DOCK2: variants seen among roughly 807,000 people sequenced by gnomAD.
DOCK2 encodes the protein dedicator of cytokinesis 2.
DOCK2 carries 87 observed loss-of-function variants against 248.9 expected under a neutral mutation model. That is an observed-to-expected ratio of 0.35 (90% confidence interval 0.29 to 0.42). The LOEUF (loss-of-function observed/expected upper bound fraction) is 0.42, where lower values mean the gene tolerates loss of function less well. Among genes scored for constraint, DOCK2 ranks in the 10% least tolerant of loss-of-function variants. The pLI, the probability that DOCK2 is intolerant of heterozygous loss-of-function variation, is 1.00. For synonymous variants in DOCK2, 805 were observed against 821.6 expected (o/e 0.98, Z 0.35); for missense variants, 1,747 against 2,300.2 (o/e 0.76, Z 4.92).
chr5:169,807,166 G>C (rs1165981329), intron 26 of DOCK2, among the ~76,000 whole-genome samples: 2 of 152,112 alleles, frequency 1.3e-5, no homozygotes, highest in African/African-American at 2.4e-5. Flanking sequence ...AATTGGTCTG[G>C]GGTGGGTGGG....
At chr5:170,000,018 A>T (rs1358390982) in intron 30 of DOCK2, 1 of 152,212 alleles carries the variant, frequency 6.6e-6, no homozygotes, top group Non-Finnish European at 1.5e-5. Context: ...GGCTAAGATC[A>T]CTTGCATTCC....
At chr5:169,873,085 G>A (rs1051671914) in intron 27 of DOCK2, among the ~76,000 whole-genome samples, 10 of 152,110 alleles carry the variant, frequency 6.6e-5, no homozygotes, top group Non-Finnish European at 1.0e-4. Context: ...TATTCAACTC[G>A]TGTAATTTTA....
chr5:169,892,722 T>C (rs1348871086), intron 27 of DOCK2, among the ~76,000 whole-genome samples: 1 of 152,238 alleles, frequency 6.6e-6, no homozygotes, highest in Non-Finnish European at 1.5e-5. Flanking sequence ...TCTTTCTTTT[T>C]TCAAAAACAT....
chr5:169,881,260 C>T, intron 27 of DOCK2: 1 of 861,616 alleles, frequency 1.2e-6, no homozygotes, highest in East Asian at 2.7e-5. Flanking sequence ...TAGTTAAATA[C>T]CTTGTTTTTG....
intron 23 of DOCK2, among the ~76,000 whole-genome samples, chr5:169,755,579 C>A (rs77194683): frequency 0.018 from 2,717 of 152,044 alleles, 82 homozygotes; most frequent in African/African-American, 0.063. Flanking sequence ...CCTGTCTCTA[C>A]TATAAATATA....
In DOCK2 at chr5:170,079,145, G is replaced by A. The variant is rs199698060; in HGVS notation, c.5165G>A (p.Arg1722Gln). ...EKAAAESDLK[R>Q]LSRKHEFMSD... is the part of the protein sequence containing the mutation. ...GCAGCTGCAGAGTCGGACCTGAAGCGGGTGAGTGGCTGAGGCAGATTGCCT... is the reference window on the plus strand; with the variant it reads ...GCAGCTGCAGAGTCGGACCTGAAGCAGGTGAGTGGCTGAGGCAGATTGCCT... The change falls in exon 49 of 52, where the codon CGG becomes CAG. Residue 1722 changes from arginine to glutamine, a missense_variant and splice_region_variant. Transcript: ENST00000520908. 1,045 of 1,612,982 alleles carry A rather than the reference G, an allele frequency of 6.5e-4. No individual in the cohort carries two copies. The highest frequency in any genetic ancestry group is 7.8e-4 in the Non-Finnish European group (925 of 1,179,824).
At chr5:170,042,785 T>G (rs546954768) in intron 38 of DOCK2, among the ~76,000 whole-genome samples, 1 of 152,360 alleles carries the variant, frequency 6.6e-6, no homozygotes, top group East Asian at 1.9e-4. Context: ...CACTTGTTCC[T>G]ATGAGACATC....
At chr5:169,655,293 G>C (rs2113186251) in intron 2 of DOCK2, among the ~76,000 whole-genome samples, 1 of 152,308 alleles carries the variant, frequency 6.6e-6, no homozygotes, top group East Asian at 1.9e-4. Context: ...TGCATGGAGG[G>C]CACAGAGCCT....
At chr5:169,976,695 C>T (rs1355094474) in intron 27 of DOCK2, among the ~76,000 whole-genome samples, 1 of 151,522 alleles carries the variant, frequency 6.6e-6, no homozygotes, top group Non-Finnish European at 1.5e-5. Flanking sequence ...GTAATGAATT[C>T]AGGCCCCTCT....
chr5:169,772,318 A>C (rs922238104), intron 25 of DOCK2, among the ~76,000 whole-genome samples: 7 of 152,316 alleles, frequency 4.6e-5, no homozygotes, highest in Admixed American at 2.6e-4. Context: ...GCACTTTCTC[A>C]ATTATGAAAG....
At chr5:169,880,209 C>T (rs865977672) in intron 27 of DOCK2, among the ~76,000 whole-genome samples, 2 of 152,304 alleles carry the variant, frequency 1.3e-5, no homozygotes, top group Middle Eastern at 6.8e-3. Context: ...GTGAGCAGTC[C>T]TGACGCTTCT....
At chr5:169,968,464 T>C (rs900392987) in intron 27 of DOCK2, among the ~76,000 whole-genome samples, 3 of 152,166 alleles carry the variant, frequency 2.0e-5, no homozygotes, top group Non-Finnish European at 4.4e-5. Context: ...GACAGACACA[T>C]GAGCATATGA....
chr5:170,002,082 A>G (rs940172826), intron 30 of DOCK2, among the ~76,000 whole-genome samples: 2 of 152,236 alleles, frequency 1.3e-5, no homozygotes, highest in African/African-American at 4.8e-5. Context: ...GACAGTATCT[A>G]TAAAAACAAA....
chr5:169,713,879 C>T (rs1173668622), intron 17 of DOCK2, 149 bp from the exon 18 acceptor site: 2 of 827,718 alleles, frequency 2.4e-6, no homozygotes, highest in Non-Finnish European at 3.4e-6. Context: ...AGTCCTGCCT[C>T]ACCAGCCAAT....
intron 27 of DOCK2, among the ~76,000 whole-genome samples, chr5:169,852,457 G>A (rs905258741): frequency 6.6e-6 from 1 of 152,228 alleles, no homozygotes; most frequent in African/African-American, 2.4e-5. Flanking sequence ...GGTTTGAAAG[G>A]AGTTGACAGG....
At chr5:170,066,905 G>A (rs1316073175) in intron 44 of DOCK2, among the ~76,000 whole-genome samples, 3 of 152,162 alleles carry the variant, frequency 2.0e-5, no homozygotes, top group Non-Finnish European at 4.4e-5. Flanking sequence ...TACAGAAAAT[G>A]TTTGCCGACC....
intron 27 of DOCK2, among the ~76,000 whole-genome samples, chr5:169,948,528 A>G (rs1042465389): frequency 6.6e-6 from 1 of 151,774 alleles, no homozygotes; most frequent in African/African-American, 2.4e-5. Context: ...ATAGAAACAC[A>G]TATACATTTA....
intron 27 of DOCK2, among the ~76,000 whole-genome samples, chr5:169,960,734 G>A (rs919903714): frequency 3.9e-5 from 6 of 152,256 alleles, no homozygotes; most frequent in African/African-American, 1.2e-4. Context: ...GTTACTTGCA[G>A]TTAATTGTGG....
intron 34 of DOCK2, among the ~76,000 whole-genome samples, chr5:170,032,728 C>T (rs12514886): frequency 0.1 from 15,470 of 152,166 alleles, 1,298 homozygotes; most frequent in East Asian, 0.43. Flanking sequence ...GTGCTTCTCC[C>T]AGAGTGAAGA....
Sources: gnomAD v4.1 joint callset for allele counts (sites outside exome capture counted in the v4.1 genomes callset) on GRCh38, gnomAD v4.1.1 for gene constraint, MANE v1.5 for transcripts, NCBI Gene and HGNC (gene_info 2026-07-23, HGNC 2026-07-21) for gene names.